AASDH: variants seen among roughly 807,000 people sequenced by gnomAD.
AASDH encodes aminoadipate-semialdehyde dehydrogenase, also known as beta-alanine-activating enzyme.
Under a neutral mutation model 102.3 loss-of-function variants are expected in AASDH, and 81 were observed. The observed-to-expected ratio is 0.79, with a 90% CI of 0.66 to 0.95. The LOEUF (loss-of-function observed/expected upper bound fraction) is 0.95. Ranked by LOEUF, AASDH falls within the 40% of genes least tolerant of loss-of-function variation. AASDH has a pLI of 0.00. For missense variants in AASDH, 1,203 were observed against 1,266.2 expected, an observed-to-expected ratio of 0.95 and a Z score of 0.76; for synonymous variants, 398 against 454.0, an observed-to-expected ratio of 0.88 and a Z score of 1.57.
chr4:56,371,544 A>G lies in AASDH; in HGVS notation c.768T>C (p.Gly256=), dbSNP rs1751708301. 3 of 1,613,250 alleles carry G rather than the reference A, an allele frequency of 1.9e-6. No homozygotes were observed. In the East Asian group the frequency reaches 6.7e-5, roughly 36 times the overall value. ...VVEIFLALSS[G]ASLLIVPTSV... ...AAGTTGGTACAATAAGCAGAGAGGC[A>G]CCACTTGATAGAGCAAGAAATATTT... Residue 256 remains glycine, a synonymous_variant, in exon 5 of 15, where the codon GGT becomes GGC. Coordinates refer to ENST00000205214, the MANE Select transcript of AASDH (RefSeq NM_181806.4).
intron 11 of AASDH, 72 bp downstream of exon 11, chr4:56,349,191 T>C (rs1376993356): frequency 6.7e-7 from 1 of 1,488,020 alleles, no homozygotes; most frequent in South Asian, 1.3e-5. Flanking sequence ...TTAAAAAATT[T>C]AACTTGGGCC....
intron 3 of AASDH, among the ~76,000 whole-genome samples, chr4:56,379,671 G>A (rs1245419681): frequency 6.6e-6 from 1 of 152,210 alleles, no homozygotes; most frequent in Non-Finnish European, 1.5e-5. Flanking sequence ...AAGCAGGCTT[G>A]AAATGTTAAT....
chr4:56,341,389 CTTTTTTTT>C lies in AASDH; in HGVS notation c.2907+1438_2907+1445del, dbSNP rs575687659. ...CATGGATGGAACTGGAGACTTTTAT[CTTTTTTTT>C]TTTTTTTTTTTTTGGAGACAGAGTC... On this transcript the variant is annotated intron_variant, in intron 14 of 14. Transcript: ENST00000205214. Among the ~76,000 whole-genome samples the C allele has an allele frequency of 2.6e-3, 242 of 92,410 alleles. 6 individuals are homozygous for C. Among genetic ancestry groups the C allele is most frequent in the African/African-American group, 0.01 (238 of 23,160 alleles). 60.6% of individuals were successfully genotyped at this position (92,410 alleles called of 152,430 possible).
chr4:56,380,846 C>T (rs532173792), intron 3 of AASDH, among the ~76,000 whole-genome samples: 2 of 152,264 alleles, frequency 1.3e-5, no homozygotes, highest in Admixed American at 6.5e-5. Flanking sequence ...AGTAGCACCC[C>T]ACTTCCATCA....
At position 56,349,446 on chromosome 4, in the gene AASDH, C is replaced by T. The variant is rs1363287017; in HGVS notation, c.2305G>A (p.Ala769Thr). ...GTGGGTATTACAACCAGCGGTGAAGCATCTACACATTTGCCTGTGTCTGAC... is the reference window on the plus strand; with the variant it reads ...GTGGGTATTACAACCAGCGGTGAAGTATCTACACATTTGCCTGTGTCTGAC... ...WRSDTGKCVDASPLVVIPTFD... is the reference protein window; with the variant it reads ...WRSDTGKCVDTSPLVVIPTFD... Residue 769 changes from alanine to threonine, a missense_variant, in exon 11 of 15, where the codon GCT (alanine) becomes ACT (threonine). Ala to Thr is a moderately conservative substitution (Grantham distance 58). Transcript: ENST00000205214. 6.2e-7 allele frequency: 1 copy of T among 1,613,968 alleles called. No individual in the cohort carries two copies. Among genetic ancestry groups the T allele is most frequent in the Admixed American group, 1.7e-5 (1 of 59,988 alleles).
chr4:56,354,762 C>A lies in AASDH; in HGVS notation c.1153G>T (p.Glu385Ter). 6.2e-7 allele frequency: 1 copy of A among 1,611,620 alleles called. No individual in the cohort carries two copies. The highest frequency in any genetic ancestry group is 8.5e-7 in the Non-Finnish European group (1 of 1,178,944). ...GTGAAGCCATTAGTATCTCTGACTT[C>A]AACTACTGTTCCAAGAAGTGGAAAT... ...LGFPLLGTVV[E>*]VRDTNGFTIQ... is the part of the protein sequence containing the mutation. The change falls in exon 7 of 15, where the codon GAA becomes TAA. Residue 385 changes from glutamate (E) to a stop codon, truncating the protein, a stop_gained. Transcript: ENST00000205214. LOFTEE classifies it high-confidence loss of function.
chr4:56,361,864 C>G (rs1214739771), intron 5 of AASDH, among the ~76,000 whole-genome samples: 1 of 152,062 alleles, frequency 6.6e-6, no homozygotes, highest in African/African-American at 2.4e-5. Flanking sequence ...CCCAGCTACT[C>G]AGGAGGCTGA....
At chr4:56,347,320 G>GT (rs1416497513) in intron 11 of AASDH, among the ~76,000 whole-genome samples, 2 of 152,280 alleles carry the variant, frequency 1.3e-5, no homozygotes, top group East Asian at 3.9e-4. Context: ...AAATGCCGTT[G>GT]TTTAAAGGGG....
intron 14 of AASDH, among the ~76,000 whole-genome samples, chr4:56,341,389 C>CTTTT (rs575687659): frequency 9.8e-4 from 91 of 92,388 alleles, no homozygotes; most frequent in African/African-American, 3.5e-3. Flanking sequence ...AGACTTTTAT[C>CTTTT]TTTTTTTTTT....
intron 5 of AASDH, among the ~76,000 whole-genome samples, chr4:56,357,319 T>C (rs1372240413): frequency 6.6e-6 from 1 of 152,106 alleles, no homozygotes; most frequent in Non-Finnish European, 1.5e-5. Flanking sequence ...TCTCGCATGG[T>C]AGAAGGAACC....
chr4:56,346,358 T>C (rs1181948020), intron 11 of AASDH, among the ~76,000 whole-genome samples: 1 of 152,138 alleles, frequency 6.6e-6, no homozygotes, highest in Non-Finnish European at 1.5e-5. Context: ...CAAAGAGAAA[T>C]GTCCTACATA....
intron 4 of AASDH, among the ~76,000 whole-genome samples, chr4:56,375,455 T>C (rs1752231559): frequency 6.6e-6 from 1 of 152,160 alleles, no homozygotes; most frequent in Non-Finnish European, 1.5e-5. Flanking sequence ...ATTTACCACC[T>C]CACTTAAGAA....
chr4:56,363,360 G>A (rs1460188516), intron 5 of AASDH, among the ~76,000 whole-genome samples: 1 of 152,248 alleles, frequency 6.6e-6, no homozygotes, highest in African/African-American at 2.4e-5. Context: ...CTGTCTGACA[G>A]CTTTGAAGAG....
chr4:56,349,461 C>T lies in AASDH; in HGVS notation c.2290G>A (p.Gly764Ser), dbSNP rs1420426849. 6.2e-7 allele frequency: 1 copy of T among 1,614,082 alleles called. No individual in the cohort carries two copies. The highest frequency in any genetic ancestry group is 2.2e-5 in the East Asian group (1 of 44,888). Residue 764 changes from glycine (G) to serine (S), a missense_variant, in exon 11 of 15, where the codon GGC becomes AGC. Physicochemically the swap from Gly to Ser is moderately conservative, Grantham distance 56. Coordinates refer to ENST00000205214, the MANE Select transcript of AASDH (RefSeq NM_181806.4). Reference protein sequence around the residue: ...ELHVRWRSDTGKCVDASPLVV... With the variant: ...ELHVRWRSDTSKCVDASPLVV... ...AGCGGTGAAGCATCTACACATTTGCCTGTGTCTGACCTCCACCTCACATGT... is the reference window on the plus strand; with the variant it reads ...AGCGGTGAAGCATCTACACATTTGCTTGTGTCTGACCTCCACCTCACATGT...
intron 5 of AASDH, among the ~76,000 whole-genome samples, chr4:56,362,696 A>G (rs1315540806): frequency 1.3e-5 from 2 of 152,224 alleles, no homozygotes; most frequent in East Asian, 3.8e-4. Flanking sequence ...AAAATCCTTG[A>G]TGACTTATAT....
chr4:56,361,288 A>T (rs1368669252), intron 5 of AASDH, among the ~76,000 whole-genome samples: 1 of 152,142 alleles, frequency 6.6e-6, no homozygotes, highest in African/African-American at 2.4e-5. Context: ...ACACACCTGT[A>T]TTCCCAGCTA....
At chr4:56,359,474 C>T (rs1006246509) in intron 5 of AASDH, among the ~76,000 whole-genome samples, 1 of 151,550 alleles carries the variant, frequency 6.6e-6, no homozygotes, top group African/African-American at 2.4e-5. Context: ...AGGCTTGTCT[C>T]GAACTCCTAA....
rs538462654 is a variant in AASDH, at chr4:56,346,298, C to T, written c.2489-1008G>A. Among the ~76,000 whole-genome samples, 4 of 152,216 alleles carry T rather than the reference C, an allele frequency of 2.6e-5. No homozygotes were observed. In the South Asian group the frequency reaches 6.2e-4, roughly 24 times the overall value. ...TGTACTTTTTATGCTTTTTTTTCCC[C>T]TGGCAGTTATTATTTAGTAGCAAGA... On this transcript the variant is annotated intron_variant, in intron 11 of 14. Transcript: ENST00000205214.
In AASDH at chr4:56,349,837, G is replaced by C. The variant is rs1272878514; in HGVS notation, c.1914C>G (p.Phe638Leu). 4 of 1,614,010 alleles carry C rather than the reference G, an allele frequency of 2.5e-6. No individual in the cohort carries two copies. The highest frequency in any genetic ancestry group is 2.7e-5 in the African/African-American group (2 of 74,928). ...QTVVPDEDVT[F>L]RKSCATKRKL... ...TCCTTTTTGTGGCACAACTCTTCCTGAATGTCACATCTTCATCTGGAACCA... is the reference window on the plus strand; with the variant it reads ...TCCTTTTTGTGGCACAACTCTTCCTCAATGTCACATCTTCATCTGGAACCA... The change falls in exon 11 of 15, where the codon TTC becomes TTG. Residue 638 changes from phenylalanine to leucine, a missense_variant. Coordinates refer to ENST00000205214, the MANE Select transcript of AASDH (RefSeq NM_181806.4).
Sources: gnomAD v4.1 joint callset for allele counts (sites outside exome capture counted in the v4.1 genomes callset) on GRCh38, gnomAD v4.1.1 for gene constraint, MANE v1.5 for transcripts, NCBI Gene and HGNC (gene_info 2026-07-23, HGNC 2026-07-21) for gene names.